Variants in CSRNP1 observed in about 807,000 individuals in gnomAD.
CSRNP1 encodes cysteine/serine-rich nuclear protein 1.
A neutral mutation model predicts 25.0 loss-of-function variants in CSRNP1; 8 were observed. That is an observed-to-expected ratio of 0.32 (90% CI 0.19 to 0.58). The LOEUF (loss-of-function observed/expected upper bound fraction) is 0.58, where lower values mean the gene tolerates loss of function less well. Ranked by LOEUF, CSRNP1 falls within the 20% of genes least tolerant of loss-of-function variation. CSRNP1 has a pLI of 0.88. For synonymous variants in CSRNP1, 305 were observed against 303.1 expected, an observed-to-expected ratio of 1.01 and a Z score of -0.06; for missense variants, 691 against 773.1, an observed-to-expected ratio of 0.89 and a Z score of 1.26.
At chr3:39,149,899 A>G (rs1477599020) in intron 1 of CSRNP1, 2 of 152,242 alleles carry the variant, frequency 1.3e-5, no homozygotes, top group Non-Finnish European at 2.9e-5. Context: ...TATGGACTGA[A>G]TATTTGTATC....
In CSRNP1 at chr3:39,143,099, C is replaced by CA; in HGVS notation, c.1725dup (p.Glu576Ter). The CA allele has an allele frequency of 6.2e-7, 1 of 1,608,668 alleles. No individual in the cohort carries two copies. ...ATTAGAGATGCTGGGACAGTGTCCT[C>CA]AAACTGGCTGTCAATAAAGGGATCT... On this transcript the variant is annotated frameshift_variant, in exon 5 of 5. Transcript: ENST00000273153. LOFTEE classifies it high-confidence loss of function.
chr3:39,146,367 G>GGGGACCTAACCA (rs1559732361), intron 2 of CSRNP1, 111 bp downstream of exon 2: 1 of 1,329,674 alleles, frequency 7.5e-7, no homozygotes, highest in Non-Finnish European at 1.0e-6. Context: ...GAGAGCTACC[G>GGGGACCTAACCA]CCATGGGGAC....
chr3:39,146,793 A>G, intron 1 of CSRNP1, 71 bp from the exon 2 acceptor site: 1 of 1,492,082 alleles, frequency 6.7e-7, no homozygotes. Flanking sequence ...CAGGATCATC[A>G]TCCCTCCCAC....
chr3:39,146,647 C>G lies in CSRNP1; in HGVS notation c.36G>C (p.Leu12=). 6.4e-7 allele frequency: 1 copy of G among 1,570,266 alleles called. No individual in the cohort carries two copies. The highest frequency in any genetic ancestry group is 8.6e-7 in the Non-Finnish European group (1 of 1,157,546). The change falls in exon 2 of 5, where the codon CTG becomes CTC. Residue 12 remains leucine, a synonymous_variant. Transcript: ENST00000273153. ...AGGAGACCGAGGAGTTGTCCTCATCCAGCTGGTCAAATTTCCTCTTCAACA... is the reference window on the plus strand; with the variant it reads ...AGGAGACCGAGGAGTTGTCCTCATCGAGCTGGTCAAATTTCCTCTTCAACA... ...TGLLKRKFDQ[L]DEDNSSVSSS...
At chr3:39,145,295 A>G (rs773608479) in intron 2 of CSRNP1, 39 bp from the exon 3 acceptor site, 11 of 1,528,372 alleles carry the variant, frequency 7.2e-6, no homozygotes, top group Non-Finnish European at 8.8e-6. Context: ...ATTAGTTTTC[A>G]GTGAGGCACA....
At position 39,143,001 on chromosome 3, in the gene CSRNP1, A is replaced by G; in HGVS notation, c.*54T>C. ...TACGCAGACTCTGGGGAGCCCCATA[A>G]TTACAAGAAAGCAGCAACAGGTCTC... On this transcript the variant is annotated 3_prime_UTR_variant, in exon 5 of 5. Coordinates refer to ENST00000273153, the MANE Select transcript of CSRNP1 (RefSeq NM_033027.4). 2.0e-6 allele frequency: 3 copies of G among 1,517,996 alleles called. No homozygotes were observed. The highest frequency in any genetic ancestry group is 3.6e-4 in the Middle Eastern group (2 of 5,592). The allele number at this position is 1,517,996 out of a possible 1,614,324, so 94.0% of individuals were successfully genotyped here. A position where few individuals can be genotyped will look rare whatever the true frequency, so the allele number is the denominator to read the frequency against.
At position 39,145,109 on chromosome 3, in the gene CSRNP1, C is replaced by T. The variant is rs1465033986; in HGVS notation, c.353G>A (p.Ser118Asn). The change falls in exon 3 of 5, where the codon AGT becomes AAT. Residue 118 changes from serine (S) to asparagine (N), a missense_variant. Physicochemically the swap from Ser to Asn is conservative, Grantham distance 46 (BLOSUM62 1). Transcript: ENST00000273153. ...GCTLGMALRH[S>N]ACRRFSLAEF... ...AGCCAAAGAGAAGCGACGGCAAGCA[C>T]TGTGGCGAAGGGCCATACCCAGAGT... 2.5e-6 allele frequency: 4 copies of T among 1,614,286 alleles called. No homozygotes were observed. The highest frequency in any genetic ancestry group is 2.5e-6 in the Non-Finnish European group (3 of 1,180,052).
In CSRNP1 at chr3:39,144,411, G is replaced by A. The variant is rs1164695859; in HGVS notation, c.506C>T (p.Pro169Leu). 6.2e-7 allele frequency: 1 copy of A among 1,611,152 alleles called. No individual in the cohort carries two copies. The highest frequency in any genetic ancestry group is 8.5e-7 in the Non-Finnish European group (1 of 1,178,182). ...AGVPQAEAGL[P>L]PVVDAIDDAS... Reference sequence around the variant, plus strand: ...GTCATCAATGGCATCCACCACAGGTGGCAGCCCTGCCTCTGCCTGGGGTAC... The same window carrying A: ...GTCATCAATGGCATCCACCACAGGTAGCAGCCCTGCCTCTGCCTGGGGTAC... Residue 169 changes from proline to leucine, a missense_variant, in exon 4 of 5, where the codon CCA (proline) becomes CTA (leucine). By Grantham distance (98) the Pro-to-Leu change is moderately conservative. Coordinates refer to ENST00000273153, the MANE Select transcript of CSRNP1 (RefSeq NM_033027.4).
At position 39,143,330 on chromosome 3, in the gene CSRNP1, AG is replaced by A. The variant is rs752177833; in HGVS notation, c.1494del (p.Leu499CysfsTer69). ...AACTCAAAGGAGTCACAAGAAGACA[AG>A]CTGAGATCCACTGAGCTACTCCGGC... is the stretch of plus-strand genomic sequence containing the variant. The part of the protein sequence containing the change: ...DAGRSSSVDL[S>X]LSSCDSFELL... On this transcript the variant is annotated frameshift_variant, in exon 5 of 5. Transcript: ENST00000273153. LOFTEE classifies it low-confidence loss of function (END_TRUNC). 1 of 1,614,224 alleles carries A rather than the reference AG, an allele frequency of 6.2e-7. No homozygotes were observed. Among genetic ancestry groups the A allele is most frequent in the Admixed American group, 1.7e-5 (1 of 60,034 alleles).
intron 3 of CSRNP1, 49 bp from the exon 4 acceptor site, chr3:39,144,500 G>C (rs1340042793): frequency 6.5e-7 from 1 of 1,532,836 alleles, no homozygotes; most frequent in African/African-American, 1.4e-5. Flanking sequence ...ATGGACATGG[G>C]CTTAGCCCTA....
intron 3 of CSRNP1, 123 bp from the exon 4 acceptor site, chr3:39,144,574 G>A: frequency 1.1e-6 from 1 of 942,366 alleles, no homozygotes; most frequent in Non-Finnish European, 1.6e-6. Flanking sequence ...ATCTGCGATG[G>A]GCACTGTGTG....
At position 39,142,181 on chromosome 3, in the gene CSRNP1, C is replaced by T. The variant is rs3732382; in HGVS notation, c.*874G>A. On this transcript the variant is annotated 3_prime_UTR_variant, in exon 5 of 5. Coordinates refer to ENST00000273153, the MANE Select transcript of CSRNP1 (RefSeq NM_033027.4). The stretch of plus-strand genomic sequence containing the variant: ...AGATAATAGTCTGGGGCATGGTTCG[C>T]GCCCCGAGGTAGGCCCTTTGCCCTC... 5,218 of 152,388 alleles carry T rather than the reference C, an allele frequency of 0.034. 182 individuals are homozygous for T. The highest frequency in any genetic ancestry group is 0.16 in the East Asian group (813 of 5,188). The allele number at this position is 152,388 out of a possible 1,614,324, so 9.4% of individuals were successfully genotyped here.
chr3:39,144,060 G>A lies in CSRNP1; in HGVS notation c.781-16C>T. 1 of 1,609,028 alleles carries A rather than the reference G, an allele frequency of 6.2e-7. No individual in the cohort carries two copies. Among genetic ancestry groups the A allele is most frequent in the Non-Finnish European group, 8.5e-7 (1 of 1,178,458 alleles). On this transcript the variant is annotated splice_polypyrimidine_tract_variant and intron_variant, in intron 4 of 4. Coordinates refer to ENST00000273153, the MANE Select transcript of CSRNP1 (RefSeq NM_033027.4). ...TGTGGTCCATCTGCAGAGAAAAGTA[G>A]AGGTACAAGTGAGGGTTCTGTGGAG...
rs375066775 is a variant in CSRNP1, at chr3:39,143,473, G to A, written c.1352C>T (p.Ser451Leu). Residue 451 changes from serine (S) to leucine (L), a missense_variant, in exon 5 of 5, where the codon TCA becomes TTA. By Grantham distance (145) the Ser-to-Leu change is moderately radical (BLOSUM62 -2). Coordinates refer to ENST00000273153, the MANE Select transcript of CSRNP1 (RefSeq NM_033027.4). ...THSYSGCSFT[S>L]GVLDENANLD... The stretch of plus-strand genomic sequence containing the variant: ...GTTGGCATTCTCATCCAGGACGCCT[G>A]ATGTGAAGCTACAGCCAGAATAGCT... The A allele has an allele frequency of 1.9e-5, 31 of 1,614,008 alleles. No homozygotes were observed. Among genetic ancestry groups the A allele is most frequent in the African/African-American group, 2.7e-5 (2 of 74,928 alleles).
chr3:39,148,994 T>A (rs1446680140), intron 1 of CSRNP1: 1 of 152,268 alleles, frequency 6.6e-6, no homozygotes, highest in African/African-American at 2.4e-5. Flanking sequence ...CCTTAACCTC[T>A]CTGTGCCTCC....
intron 3 of CSRNP1, 43 bp from the exon 4 acceptor site, chr3:39,144,494 A>C: frequency 6.5e-7 from 1 of 1,547,680 alleles, no homozygotes; most frequent in Non-Finnish European, 8.7e-7. Flanking sequence ...ACAGACATGG[A>C]CATGGGCTTA....
chr3:39,153,108 A>C (rs1575579617), intron 1 of CSRNP1: 1 of 152,316 alleles, frequency 6.6e-6, no homozygotes, highest in Non-Finnish European at 1.5e-5. Context: ...AAGGAAACTC[A>C]CCCGCGGACG....
chr3:39,148,503 T>A (rs910309526), intron 1 of CSRNP1: 1 of 152,284 alleles, frequency 6.6e-6, no homozygotes, highest in Non-Finnish European at 1.5e-5. Context: ...TCACCACACA[T>A]CCAGCCTGAG....
Position 39,142,932 on chromosome 3 carries a change from T to C in CSRNP1, c.*123A>G. ...CAGAGAATTGTTTGAAAACCAGGAG[T>C]GTGCACATGGCACCTGTGGGTGAGC... On this transcript the variant is annotated 3_prime_UTR_variant, in exon 5 of 5. Transcript: ENST00000273153. 2.9e-6 allele frequency: 3 copies of C among 1,049,266 alleles called. No individual in the cohort carries two copies. The East Asian group carries it at 7.3e-5, about 25-fold the overall frequency. The allele number at this position is 1,049,266 out of a possible 1,614,324, so 65.0% of individuals were successfully genotyped here. A position where few individuals can be genotyped will look rare whatever the true frequency, so the allele number is the denominator to read the frequency against.
Sources: gnomAD v4.1 joint callset for allele counts on GRCh38, gnomAD v4.1.1 for gene constraint, MANE v1.5 for transcripts, NCBI Gene and HGNC (gene_info 2026-07-23, HGNC 2026-07-21) for gene names.